COL25A1: variants seen among roughly 807,000 people sequenced by gnomAD.
COL25A1 encodes collagen alpha-1(XXV) chain.
Under a neutral mutation model 128.4 loss-of-function variants are expected in COL25A1, and 103 were observed. The ratio of observed to expected loss-of-function variants is 0.80; its 90% CI spans 0.68 to 0.94. The LOEUF is 0.94. Among genes scored for constraint, COL25A1 ranks in the 40% least tolerant of loss-of-function variants. The pLI is 0.00. For missense variants in COL25A1, 745 were observed against 840.0 expected, an observed-to-expected ratio of 0.89 and a Z score of 1.40; for synonymous variants, 279 against 277.2, an observed-to-expected ratio of 1.01 and a Z score of -0.06.
At chr4:109,105,455 C>T in intron 3 of COL25A1, among the ~76,000 whole-genome samples, 1 of 152,120 alleles carries the variant, frequency 6.6e-6, no homozygotes, top group South Asian at 2.1e-4. Flanking sequence ...GCTTGGGATA[C>T]AGAGTAAGGG....
chr4:109,083,549 G>C (rs4440303), intron 3 of COL25A1, among the ~76,000 whole-genome samples: 1 of 140,104 alleles, frequency 7.1e-6, no homozygotes, highest in Non-Finnish European at 1.5e-5. Flanking sequence ...TGCAAGCTCC[G>C]CCTCCCGGGT....
At chr4:108,861,397 G>A (rs1737202601) in intron 22 of COL25A1, among the ~76,000 whole-genome samples, 1 of 152,146 alleles carries the variant, frequency 6.6e-6, no homozygotes, top group Non-Finnish European at 1.5e-5. Context: ...AGTTGGGACA[G>A]GAAAGGAGTA....
At chr4:108,820,126 G>A (rs1731633764) in intron 35 of COL25A1, among the ~76,000 whole-genome samples, 1 of 152,138 alleles carries the variant, frequency 6.6e-6, no homozygotes, top group African/African-American at 2.4e-5. Flanking sequence ...GAAGAAGGAG[G>A]CTTAAAAGCT....
intron 3 of COL25A1, among the ~76,000 whole-genome samples, chr4:109,130,633 C>T (rs912578151): frequency 3.3e-5 from 5 of 151,948 alleles, no homozygotes; most frequent in African/African-American, 1.2e-4. Context: ...TGGGACCAAG[C>T]AAACAAGTAA....
chr4:108,956,869 G>A (rs1750132470), intron 8 of COL25A1, among the ~76,000 whole-genome samples: 1 of 152,114 alleles, frequency 6.6e-6, no homozygotes, highest in Admixed American at 6.5e-5. Flanking sequence ...AATCCAGAGG[G>A]GACCTCAACA....
chr4:109,012,438 G>T (rs113273654), intron 5 of COL25A1, among the ~76,000 whole-genome samples: 1 of 152,198 alleles, frequency 6.6e-6, no homozygotes, highest in Admixed American at 6.5e-5. Context: ...GGCCAAGGCC[G>T]GAGCTGGCTC....
intron 3 of COL25A1, among the ~76,000 whole-genome samples, chr4:109,061,442 C>T (rs569408537): frequency 5.9e-5 from 9 of 152,272 alleles, no homozygotes; most frequent in African/African-American, 1.9e-4. Context: ...AGATTTCATA[C>T]TTCAAACTAT....
chr4:108,938,411 T>C (rs943105175), intron 10 of COL25A1, among the ~76,000 whole-genome samples: 6 of 152,198 alleles, frequency 3.9e-5, no homozygotes, highest in African/African-American at 1.4e-4. Flanking sequence ...TTTCACAGTT[T>C]ATTTTTATAG....
intron 5 of COL25A1, among the ~76,000 whole-genome samples, chr4:109,018,386 A>G (rs1053575717): frequency 9.9e-5 from 15 of 152,260 alleles, no homozygotes; most frequent in African/African-American, 2.9e-4. Context: ...CACCACTCCC[A>G]GAAAATTTTT....
intron 6 of COL25A1, among the ~76,000 whole-genome samples, chr4:108,977,557 A>C (rs890538915): frequency 6.6e-6 from 1 of 152,186 alleles, no homozygotes; most frequent in African/African-American, 2.4e-5. Context: ...TAATAATGAG[A>C]GGATATGACC....
intron 3 of COL25A1, among the ~76,000 whole-genome samples, chr4:109,225,655 TA>T (rs1315270355): frequency 2.6e-5 from 4 of 152,156 alleles, no homozygotes; most frequent in African/African-American, 7.2e-5. Context: ...CTTGTATGTG[TA>T]TCAGAGCACT....
intron 3 of COL25A1, among the ~76,000 whole-genome samples, chr4:109,095,855 C>T (rs973029678): frequency 5.9e-5 from 9 of 152,110 alleles, no homozygotes; most frequent in Admixed American, 4.6e-4. Flanking sequence ...TCCCTGGCAA[C>T]CCCTAAAGGG....
intron 8 of COL25A1, among the ~76,000 whole-genome samples, chr4:108,956,130 T>C (rs1199414274): frequency 6.6e-6 from 1 of 152,160 alleles, no homozygotes; most frequent in Non-Finnish European, 1.5e-5. Context: ...AATATATTAT[T>C]AAAAGGATTG....
chr4:109,056,950 T>C lies in COL25A1; in HGVS notation c.368-6771A>G, dbSNP rs1761501995. Among the ~76,000 whole-genome samples, 5 of 152,110 alleles carry C rather than the reference T, an allele frequency of 3.3e-5. No homozygotes were observed. The South Asian group carries it at 1.0e-3, about 32-fold the overall frequency. On this transcript the variant is annotated intron_variant, in intron 3 of 37. Coordinates refer to ENST00000399132, the MANE Select transcript of COL25A1 (RefSeq NM_198721.4). ...TAATAGCTCACTGTAACCTCAAACT[T>C]CTGGGCTCAAGCGATCCTCCCATCT...
At chr4:108,907,745 T>A (rs1276343914) in intron 13 of COL25A1, among the ~76,000 whole-genome samples, 1 of 152,240 alleles carries the variant, frequency 6.6e-6, no homozygotes, top group Non-Finnish European at 1.5e-5. Flanking sequence ...TGTCTAAAAA[T>A]CTCATTCAAT....
chr4:108,831,717 C>T (rs992028684), intron 32 of COL25A1, among the ~76,000 whole-genome samples: 2 of 125,508 alleles, frequency 1.6e-5, no homozygotes, highest in Admixed American at 7.7e-5. Context: ...AGAGAGAGAG[C>T]GCATGCATGA....
At chr4:108,985,135 G>A (rs758606802) in intron 6 of COL25A1, among the ~76,000 whole-genome samples, 8 of 152,078 alleles carry the variant, frequency 5.3e-5, no homozygotes, top group Non-Finnish European at 1.0e-4. Context: ...GATCATCAAA[G>A]GCTTTTAATA....
chr4:108,859,526 G>C, intron 24 of COL25A1, 130 bp downstream of exon 24: 1 of 607,244 alleles, frequency 1.6e-6, no homozygotes. Flanking sequence ...TTGAGAACAG[G>C]GAGAAGGGGT....
intron 3 of COL25A1, among the ~76,000 whole-genome samples, chr4:109,139,104 G>A (rs1267840638): frequency 6.6e-6 from 1 of 151,988 alleles, no homozygotes; most frequent in Non-Finnish European, 1.5e-5. Context: ...TCTGTTGGCC[G>A]CATTAAAAAG....
Sources: gnomAD v4.1 joint callset for allele counts (sites outside exome capture counted in the v4.1 genomes callset) on GRCh38, gnomAD v4.1.1 for gene constraint, MANE v1.5 for transcripts, NCBI Gene and HGNC (gene_info 2026-07-23, HGNC 2026-07-21) for gene names.